Variants in CDH8 observed in about 807,000 individuals in gnomAD.
CDH8 encodes the protein cadherin 8.
In CDH8, 17 loss-of-function variants were observed where a neutral mutation model predicts 68.1. The ratio of observed to expected loss-of-function variants is 0.25; its 90% CI spans 0.17 to 0.37. The LOEUF is 0.37. Ranked by LOEUF, CDH8 falls within the 10% of genes least tolerant of loss-of-function variation. The pLI is 1.00. For missense variants in CDH8, 763 were observed against 999.3 expected (o/e 0.76, Z 3.19); for synonymous variants, 372 against 365.1 (o/e 1.02, Z -0.21).
At chr16:62,024,090 C>G (rs1318479830) in intron 1 of CDH8, among the ~76,000 whole-genome samples, 2 of 151,968 alleles carry the variant, frequency 1.3e-5, no homozygotes, top group African/African-American at 4.8e-5. Context: ...CTTCTCACTC[C>G]AGCCTCCCAA....
intron 1 of CDH8, among the ~76,000 whole-genome samples, chr16:62,031,775 T>A (rs1902332958): frequency 8.3e-6 from 1 of 121,086 alleles, no homozygotes; most frequent in Non-Finnish European, 1.8e-5. Flanking sequence ...GAAATAAAGC[T>A]TAAAACTTGA....
intron 8 of CDH8, among the ~76,000 whole-genome samples, chr16:61,744,550 T>C (rs1389665193): frequency 6.6e-6 from 1 of 151,984 alleles, no homozygotes; most frequent in Non-Finnish European, 1.5e-5. Context: ...TATCTAATAT[T>C]AAAGTATGTA....
chr16:61,767,028 A>C (rs1960613775), intron 8 of CDH8, among the ~76,000 whole-genome samples: 1 of 152,002 alleles, frequency 6.6e-6, no homozygotes, highest in South Asian at 2.1e-4. Context: ...GCAAGCCATC[A>C]GACATCTTGC....
At chr16:62,013,558 T>C (rs16964171) in intron 2 of CDH8, among the ~76,000 whole-genome samples, 7,303 of 152,296 alleles carry the variant, frequency 0.048, 364 homozygotes, top group African/African-American at 0.13. Context: ...ACTCTGACTG[T>C]ATCACACATA....
At chr16:61,868,193 T>A (rs1268361025) in intron 3 of CDH8, among the ~76,000 whole-genome samples, 2 of 152,200 alleles carry the variant, frequency 1.3e-5, no homozygotes, top group African/African-American at 4.8e-5. Flanking sequence ...ATCTGCCCTT[T>A]TAACTGCTAC....
intron 8 of CDH8, among the ~76,000 whole-genome samples, chr16:61,765,742 G>A (rs754228414): frequency 1.4e-4 from 22 of 151,948 alleles, no homozygotes; most frequent in Admixed American, 1.3e-3. Flanking sequence ...CAAATTAGTT[G>A]CTGTTCTTTC....
At chr16:61,735,031 G>A (rs529752452) in intron 8 of CDH8, among the ~76,000 whole-genome samples, 1 of 152,034 alleles carries the variant, frequency 6.6e-6, no homozygotes, top group South Asian at 2.1e-4. Flanking sequence ...CGTGGTTTGT[G>A]ATGACATAAA....
chr16:61,720,618 T>C (rs140407340), intron 9 of CDH8, among the ~76,000 whole-genome samples: 185 of 151,000 alleles, frequency 1.2e-3, no homozygotes, highest in Non-Finnish European at 1.7e-3. Context: ...TTAGGTAGAA[T>C]GTGTTTCTAT....
chr16:61,731,583 T>C (rs1159964421), intron 8 of CDH8, among the ~76,000 whole-genome samples: 2 of 151,630 alleles, frequency 1.3e-5, no homozygotes, highest in Non-Finnish European at 3.0e-5. Context: ...TTTACACCAA[T>C]GGGGAAAAAA....
intron 2 of CDH8, among the ~76,000 whole-genome samples, chr16:61,990,704 G>A (rs995385530): frequency 2.9e-4 from 44 of 152,198 alleles, no homozygotes; most frequent in Non-Finnish European, 1.3e-4. Context: ...CACACCTGTA[G>A]TCTCAGCTAT....
rs1961267296 is a variant in CDH8 at position 61,787,893 on chromosome 16, A to G, written c.1414+1453T>C. Among the ~76,000 whole-genome samples the G allele has an allele frequency of 2.4e-5, 3 of 125,702 alleles. No individual in the cohort carries two copies. In the Admixed American group the frequency reaches 2.9e-4, roughly 12 times the overall value. 82.5% of individuals were successfully genotyped at this position (125,702 alleles called of 152,430 possible). A position where few individuals can be genotyped will look rare whatever the true frequency, so the allele number is the denominator to read the frequency against. On this transcript the variant is annotated intron_variant, in intron 8 of 11. Transcript: ENST00000577390. The stretch of plus-strand genomic sequence containing the variant: ...ACTCATAGGTGGGAATTGAACAATG[A>G]GATCACATGGACACAGGAAGGGGAA...
chr16:61,660,150 C>G (rs4255773), intron 10 of CDH8, among the ~76,000 whole-genome samples: 2 of 151,878 alleles, frequency 1.3e-5, no homozygotes. Flanking sequence ...AGTCATTAAA[C>G]AAATAAGCAA....
At chr16:61,665,929 A>T (rs543046947) in intron 10 of CDH8, among the ~76,000 whole-genome samples, 3 of 147,284 alleles carry the variant, frequency 2.0e-5, no homozygotes, top group Non-Finnish European at 3.0e-5. Context: ...TTCATTTTCC[A>T]TGGTTTCCGT....
chr16:61,804,419 A>C (rs1385964806), intron 7 of CDH8, among the ~76,000 whole-genome samples: 4 of 152,162 alleles, frequency 2.6e-5, no homozygotes, highest in South Asian at 4.2e-4. Context: ...CTAGAAAAGC[A>C]AGAGCAAACA....
chr16:61,999,437 T>C (rs1433323955), intron 2 of CDH8, among the ~76,000 whole-genome samples: 1 of 152,100 alleles, frequency 6.6e-6, no homozygotes, highest in Non-Finnish European at 1.5e-5. Flanking sequence ...ACAGGCTACT[T>C]CCACACAGAG....
intron 10 of CDH8, among the ~76,000 whole-genome samples, chr16:61,668,759 C>T (rs761858162): frequency 2.0e-5 from 3 of 151,506 alleles, no homozygotes; most frequent in Non-Finnish European, 2.9e-5. Flanking sequence ...AATATCCAGA[C>T]ATTAGAAAGC....
intron 2 of CDH8, among the ~76,000 whole-genome samples, chr16:61,922,979 T>A (rs892096592): frequency 6.6e-6 from 1 of 152,234 alleles, no homozygotes; most frequent in African/African-American, 2.4e-5. Context: ...TCCATCACCT[T>A]AAATATTTGT....
At chr16:61,916,171 A>T (rs185538392) in intron 2 of CDH8, among the ~76,000 whole-genome samples, 79 of 152,318 alleles carry the variant, frequency 5.2e-4, no homozygotes, top group African/African-American at 1.8e-3. Flanking sequence ...ATAGACAAAA[A>T]TAGATGCATA....
chr16:61,807,098 T>G (rs1961802721), intron 7 of CDH8, among the ~76,000 whole-genome samples: 1 of 139,324 alleles, frequency 7.2e-6, no homozygotes, highest in African/African-American at 2.7e-5. Context: ...ATAGACTGGA[T>G]TAAGAAAATG....
Sources: allele counts gnomAD v4.1 joint callset (sites outside exome capture counted in the v4.1 genomes callset), GRCh38; gene constraint gnomAD v4.1.1; transcripts MANE v1.5; gene names NCBI Gene and HGNC (gene_info 2026-07-23, HGNC 2026-07-21).